CSMD1: variants seen among roughly 807,000 people sequenced by gnomAD.
CSMD1 encodes the protein CUB and sushi domain-containing protein 1.
In CSMD1, 213 loss-of-function variants were observed where a neutral mutation model predicts 417.5. That is an observed-to-expected ratio of 0.51 (90% CI 0.46 to 0.57). The LOEUF is 0.57. CSMD1 is among the 20% of genes least tolerant of loss of function. The probability of loss-of-function intolerance (pLI) is 0.00; values close to 1 mark genes in which losing one functional copy is unlikely to be tolerated. For missense variants in CSMD1, 6,923 were observed against 4,529.7 expected, an observed-to-expected ratio of 1.53 and a Z score of -15.17; for synonymous variants, 2,862 against 1,736.8, an observed-to-expected ratio of 1.65 and a Z score of -16.11.
chr8:4,251,239 C>A (rs1026197768), intron 3 of CSMD1, among the ~76,000 whole-genome samples: 9 of 152,058 alleles, frequency 5.9e-5, no homozygotes, highest in African/African-American at 2.2e-4. Context: ...ATATATGTTT[C>A]CCTCACCAAT....
intron 8 of CSMD1, among the ~76,000 whole-genome samples, chr8:3,603,532 T>A (rs1031325167): frequency 6.6e-6 from 1 of 152,096 alleles, no homozygotes; most frequent in African/African-American, 2.4e-5. Context: ...CTTACAGAAA[T>A]GAACACTGGT....
chr8:4,045,662 G>A (rs1462663575), intron 3 of CSMD1, among the ~76,000 whole-genome samples: 3 of 152,198 alleles, frequency 2.0e-5, no homozygotes, highest in East Asian at 1.9e-4. Flanking sequence ...GATTGTAGTA[G>A]AAATAATTTT....
intron 3 of CSMD1, among the ~76,000 whole-genome samples, chr8:4,269,182 T>C (rs1360374249): frequency 6.6e-6 from 1 of 151,976 alleles, no homozygotes; most frequent in Non-Finnish European, 1.5e-5. Context: ...TCAGCCCTCC[T>C]AGTAGCTGGG....
At chr8:4,293,788 A>C (rs111785799) in intron 3 of CSMD1, among the ~76,000 whole-genome samples, 4 of 152,336 alleles carry the variant, frequency 2.6e-5, no homozygotes, top group African/African-American at 9.6e-5. Flanking sequence ...AAAACAAGGA[A>C]CATTGAAGCA....
At chr8:3,164,012 T>C (rs1290614771) in intron 37 of CSMD1, among the ~76,000 whole-genome samples, 1 of 152,174 alleles carries the variant, frequency 6.6e-6, no homozygotes. Flanking sequence ...GTAAGAGATG[T>C]GTTCACCAGT....
chr8:3,616,583 T>G (rs1449288170), intron 8 of CSMD1, 127 bp downstream of exon 8: 2 of 649,482 alleles, frequency 3.1e-6, no homozygotes, highest in East Asian at 5.5e-5. Flanking sequence ...TACACACATT[T>G]AGAGTTAATG....
intron 3 of CSMD1, among the ~76,000 whole-genome samples, chr8:4,393,730 G>C (rs1804017828): frequency 6.6e-6 from 1 of 152,138 alleles, no homozygotes; most frequent in Admixed American, 6.6e-5. Flanking sequence ...GAAAATCTCT[G>C]ATCCATTTGC....
At chr8:4,398,540 C>T (rs1804423651) in intron 3 of CSMD1, among the ~76,000 whole-genome samples, 1 of 151,756 alleles carries the variant, frequency 6.6e-6, no homozygotes, top group African/African-American at 2.4e-5. Context: ...ACTACAGGCG[C>T]CCGCCACCAT....
chr8:4,583,327 T>G (rs1260534118), intron 2 of CSMD1, among the ~76,000 whole-genome samples: 1 of 151,862 alleles, frequency 6.6e-6, no homozygotes, highest in Non-Finnish European at 1.5e-5. Flanking sequence ...CCTTTATGTG[T>G]CTTCCTCAGG....
At chr8:4,141,713 C>T (rs539249975) in intron 3 of CSMD1, among the ~76,000 whole-genome samples, 1 of 151,086 alleles carries the variant, frequency 6.6e-6, no homozygotes, top group Non-Finnish European at 1.5e-5. Flanking sequence ...CAATTCTGAT[C>T]TAATAATCTT....
intron 1 of CSMD1, among the ~76,000 whole-genome samples, chr8:4,938,986 GTTAT>G (rs576472788): frequency 6.6e-4 from 100 of 152,170 alleles, no homozygotes; most frequent in South Asian, 2.1e-3. Flanking sequence ...TTTAAATCAG[GTTAT>G]TTGTTTTCTT....
intron 3 of CSMD1, among the ~76,000 whole-genome samples, chr8:4,160,444 A>C (rs570450203): frequency 6.6e-6 from 1 of 152,294 alleles, no homozygotes; most frequent in Non-Finnish European, 1.5e-5. Context: ...TAAAGAATAT[A>C]TTTCAATAAA....
intron 2 of CSMD1, among the ~76,000 whole-genome samples, chr8:4,469,196 A>C (rs80180231): frequency 0.014 from 2,166 of 152,286 alleles, 66 homozygotes; most frequent in African/African-American, 0.049. Flanking sequence ...GGGACCTAGA[A>C]ATTACCTCTC....
intron 1 of CSMD1, among the ~76,000 whole-genome samples, chr8:4,962,998 G>C (rs574855040): frequency 7.9e-5 from 12 of 152,180 alleles, no homozygotes; most frequent in African/African-American, 2.6e-4. Context: ...CGCTATATAC[G>C]TATTTTTCAA....
intron 3 of CSMD1, among the ~76,000 whole-genome samples, chr8:4,163,213 G>A (rs567903835): frequency 7.2e-5 from 11 of 152,126 alleles, no homozygotes; most frequent in Non-Finnish European, 5.9e-5. Flanking sequence ...AGGTTTTTCA[G>A]TACACGTAAG....
chr8:3,901,318 C>A (rs1297953304), intron 5 of CSMD1, among the ~76,000 whole-genome samples: 1 of 152,138 alleles, frequency 6.6e-6, no homozygotes, highest in Non-Finnish European at 1.5e-5. Context: ...GACACTCTTG[C>A]TAGCTTCAAC....
intron 5 of CSMD1, among the ~76,000 whole-genome samples, chr8:3,905,249 G>A (rs543724554): frequency 6.6e-6 from 1 of 152,128 alleles, no homozygotes; most frequent in Non-Finnish European, 1.5e-5. Flanking sequence ...GGAATATTTA[G>A]ATTATATTCT....
chr8:3,717,546 G>T (rs776095211), intron 6 of CSMD1, among the ~76,000 whole-genome samples: 10 of 152,130 alleles, frequency 6.6e-5, no homozygotes, highest in Admixed American at 1.3e-4. Flanking sequence ...AGGTTCACAG[G>T]TTATTGCAGA....
intron 6 of CSMD1, among the ~76,000 whole-genome samples, chr8:3,720,620 T>TTCTC (rs72331833): frequency 0.012 from 1,657 of 143,392 alleles, 21 homozygotes; most frequent in African/African-American, 0.018. Context: ...TCTTTATTCT[T>TTCTC]ACACACACAC....
Sources: gnomAD v4.1 joint callset for allele counts (sites outside exome capture counted in the v4.1 genomes callset) on GRCh38, gnomAD v4.1.1 for gene constraint, MANE v1.5 for transcripts, NCBI Gene and HGNC (gene_info 2026-07-23, HGNC 2026-07-21) for gene names.